The following UGT8 variants were observed in gnomAD, a reference collection of about 807,000 sequenced individuals.
The protein encoded by UGT8 is UDP glycosyltransferase 8.
Under a neutral mutation model 40.5 loss-of-function variants are expected in UGT8, and 12 were observed. The observed-to-expected ratio is 0.30, with a 90% CI of 0.19 to 0.48. UGT8 has a LOEUF of 0.48. Among genes scored for constraint, UGT8 ranks in the 20% least tolerant of loss-of-function variants. The pLI is 0.99. For missense variants in UGT8, 513 were observed against 648.7 expected (o/e 0.79, Z 2.27); for synonymous variants, 224 against 240.4 (o/e 0.93, Z 0.63).
chr4:114,633,584 G>A (rs2126107529), intron 2 of UGT8, among the ~76,000 whole-genome samples: 2 of 152,328 alleles, frequency 1.3e-5, no homozygotes, highest in East Asian at 3.9e-4. Context: ...CTTGTTCACT[G>A]TCCAAGGTTT....
chr4:114,648,142 C>T (rs1316341103), intron 2 of UGT8, among the ~76,000 whole-genome samples: 3 of 152,072 alleles, frequency 2.0e-5, no homozygotes, highest in Non-Finnish European at 4.4e-5. Flanking sequence ...CCCTTTATTT[C>T]TCTTCATTGT....
chr4:114,625,473 T>G (rs958184554), intron 2 of UGT8, among the ~76,000 whole-genome samples: 1 of 120,788 alleles, frequency 8.3e-6, no homozygotes, highest in Non-Finnish European at 1.6e-5. Flanking sequence ...ATCACACCAC[T>G]ACACTCCAGC....
At chr4:114,624,670 A>G (rs1240421308) in intron 2 of UGT8, among the ~76,000 whole-genome samples, 1 of 152,228 alleles carries the variant, frequency 6.6e-6, no homozygotes, top group Non-Finnish European at 1.5e-5. Context: ...TTTCTCGTAT[A>G]GATGAGGACA....
intron 2 of UGT8, among the ~76,000 whole-genome samples, chr4:114,636,703 C>T (rs1392125727): frequency 6.6e-6 from 1 of 151,958 alleles, no homozygotes. Flanking sequence ...CATTCTGCTG[C>T]CCCCTCTCCC....
chr4:114,649,013 T>A (rs956048466), intron 2 of UGT8, among the ~76,000 whole-genome samples: 5 of 152,202 alleles, frequency 3.3e-5, no homozygotes, highest in African/African-American at 1.2e-4. Context: ...GTTAATATCT[T>A]TCTTCAGTTT....
intron 2 of UGT8, among the ~76,000 whole-genome samples, chr4:114,641,810 T>C (rs1196390629): frequency 6.6e-6 from 1 of 152,206 alleles, no homozygotes; most frequent in Non-Finnish European, 1.5e-5. Flanking sequence ...AAAATTTCTT[T>C]ATTGCCTGAA....
At chr4:114,665,447 A>G (rs1302041377) in intron 3 of UGT8, 1 of 985,258 alleles carries the variant, frequency 1.0e-6, no homozygotes, top group Non-Finnish European at 1.2e-6. Flanking sequence ...AACCAATGGA[A>G]AATAGATCTC....
chr4:114,643,796 A>G (rs1039911020), intron 2 of UGT8, among the ~76,000 whole-genome samples: 2 of 151,914 alleles, frequency 1.3e-5, no homozygotes, highest in Non-Finnish European at 2.9e-5. Context: ...TGCTATTTGG[A>G]TCCCTTAAAA....
At chr4:114,659,634 T>G (rs1015618324) in intron 2 of UGT8, among the ~76,000 whole-genome samples, 1 of 152,208 alleles carries the variant, frequency 6.6e-6, no homozygotes, top group African/African-American at 2.4e-5. Context: ...TACAAGACGA[T>G]GCAATTTCTA....
At chr4:114,637,965 C>A (rs562681477) in intron 2 of UGT8, among the ~76,000 whole-genome samples, 1 of 152,260 alleles carries the variant, frequency 6.6e-6, no homozygotes, top group African/African-American at 2.4e-5. Context: ...AAATACGTAA[C>A]CTCATACTTG....
At chr4:114,624,559 G>A (rs1732066468) in intron 2 of UGT8, among the ~76,000 whole-genome samples, 1 of 151,980 alleles carries the variant, frequency 6.6e-6, no homozygotes, top group African/African-American at 2.4e-5. Flanking sequence ...CCTACCTCTG[G>A]AAATAGCCAC....
At position 114,675,997 on chromosome 4, in the gene UGT8, C is replaced by G. The variant is rs371750245; in HGVS notation, c.1335C>G (p.Ile445Met). The G allele has an allele frequency of 9.3e-6, 15 of 1,614,074 alleles. No homozygotes were observed. The East Asian group carries it at 2.9e-4, about 31-fold the overall frequency. The change falls in exon 6 of 6, where the codon ATC (isoleucine) becomes ATG (methionine). Residue 445 changes from isoleucine to methionine, a missense_variant. Ile to Met is a conservative substitution (Grantham distance 10). This residue lies in a region of UGT8 where 175 missense variants were observed against 186.7 expected (regional missense o/e 0.94). Transcript: ENST00000310836. ...DQPGHPVNRT[I>M]YWIDYIIRHN... ...CTGGTCACCCTGTCAATCGAACTATCTATTGGATAGATTATATTATTCGTC... is the reference window on the plus strand; with the variant it reads ...CTGGTCACCCTGTCAATCGAACTATGTATTGGATAGATTATATTATTCGTC...
At chr4:114,600,895 G>A (rs987804397) in intron 1 of UGT8, among the ~76,000 whole-genome samples, 2 of 152,146 alleles carry the variant, frequency 1.3e-5, no homozygotes, top group Non-Finnish European at 1.5e-5. Flanking sequence ...AGTATTGTAT[G>A]ATTTGCCTGC....
At chr4:114,642,392 A>G (rs1040914831) in intron 2 of UGT8, among the ~76,000 whole-genome samples, 1 of 152,158 alleles carries the variant, frequency 6.6e-6, no homozygotes, top group African/African-American at 2.4e-5. Context: ...AATGAGCAGT[A>G]GGTATTACTT....
chr4:114,627,667 T>G (rs75746876), intron 2 of UGT8, among the ~76,000 whole-genome samples: 3,834 of 152,290 alleles, frequency 0.025, 68 homozygotes, highest in Middle Eastern at 0.051. Flanking sequence ...GAATAGTACA[T>G]GTTTACTTAG....
At chr4:114,663,562 C>T in intron 2 of UGT8, 1 of 232,500 alleles carries the variant, frequency 4.3e-6, no homozygotes, top group Non-Finnish European at 7.0e-6. Context: ...ATTTTCAACA[C>T]AAATCAATCA....
chr4:114,616,989 A>G (rs143480221), intron 1 of UGT8, among the ~76,000 whole-genome samples: 1,942 of 152,256 alleles, frequency 0.013, 32 homozygotes, highest in African/African-American at 0.036. Flanking sequence ...ATGGTGGCTC[A>G]TGCCTGTAAT....
At chr4:114,611,501 T>C (rs1731080441) in intron 1 of UGT8, among the ~76,000 whole-genome samples, 1 of 130,422 alleles carries the variant, frequency 7.7e-6, no homozygotes. Flanking sequence ...ATATTAGATA[T>C]CTATATATAA....
intron 2 of UGT8, among the ~76,000 whole-genome samples, chr4:114,652,015 G>T (rs1016135298): frequency 1.3e-5 from 2 of 151,926 alleles, no homozygotes; most frequent in Non-Finnish European, 2.9e-5. Context: ...AATGACATAT[G>T]TATACAAATA....
Sources: gnomAD v4.1 joint callset for allele counts (sites outside exome capture counted in the v4.1 genomes callset) on GRCh38, gnomAD v4.1.1 for gene constraint, gnomAD v4.1.1 regional missense constraint, MANE v1.5 for transcripts, NCBI Gene and HGNC (gene_info 2026-07-23, HGNC 2026-07-21) for gene names.